PCDHGA7: variants seen among roughly 807,000 people sequenced by gnomAD.
The protein encoded by PCDHGA7 is protocadherin gamma subfamily A, 7, also known as protocadherin gamma-A7.
Under a neutral mutation model 58.3 loss-of-function variants are expected in PCDHGA7, and 44 were observed. That is an observed-to-expected ratio of 0.75 (90% confidence interval 0.59 to 0.97). The LOEUF (loss-of-function observed/expected upper bound fraction) is 0.97. Ranked by LOEUF, PCDHGA7 falls within the 50% of genes least tolerant of loss-of-function variation. The pLI is 0.00. For missense variants in PCDHGA7, 1,266 were observed against 1,188.7 expected (o/e 1.06, Z -0.96); for synonymous variants, 516 against 504.2 (o/e 1.02, Z -0.31).
chr5:141,404,363 A>G (rs1459982001), intron 1 of PCDHGA7: 15 of 1,613,846 alleles, frequency 9.3e-6, no homozygotes, highest in African/African-American at 1.3e-5. Flanking sequence ...AGGTACTTCC[A>G]TCTTCTCCGT....
In PCDHGA7 at chr5:141,408,560, A is replaced by G. The variant is rs368143982; in HGVS notation, c.2424+23237A>G. The G allele has an allele frequency of 6.3e-5, 102 of 1,613,910 alleles. No homozygotes were observed. Among genetic ancestry groups the G allele is most frequent in the Non-Finnish European group, 8.4e-5 (99 of 1,179,898 alleles). On this transcript the variant is annotated intron_variant, in intron 1 of 3. Coordinates refer to ENST00000518325, the MANE Select transcript of PCDHGA7 (RefSeq NM_018920.4). ...AAATCCTTTAAATATTTTTCATGTC[A>G]TTGTGGTGATTGAGGATGTTAATGA... is the stretch of plus-strand genomic sequence containing the variant.
intron 1 of PCDHGA7, chr5:141,420,146 C>G (rs372634787): frequency 1.9e-6 from 3 of 1,613,962 alleles, no homozygotes; most frequent in Non-Finnish European, 2.5e-6. Flanking sequence ...TCAAATGAAT[C>G]CAGAATTTAA....
At chr5:141,395,545 TGTGTGTGTGTGTG>T (rs1440813594) in intron 1 of PCDHGA7, 2 of 174,840 alleles carry the variant, frequency 1.1e-5, no homozygotes, top group Admixed American at 1.3e-4. Flanking sequence ...CTATTGTTTG[TGTGTGTGTGTGTG>T]TGTGTGTGTG....
At chr5:141,406,346 G>C (rs1296474677) in intron 1 of PCDHGA7, among the ~76,000 whole-genome samples, 1 of 152,092 alleles carries the variant, frequency 6.6e-6, no homozygotes, top group Non-Finnish European at 1.5e-5. Flanking sequence ...ATTTATTCAG[G>C]TCATACTATG....
intron 2 of PCDHGA7, among the ~76,000 whole-genome samples, chr5:141,503,614 A>G (rs1595875970): frequency 6.6e-6 from 1 of 151,640 alleles, no homozygotes; most frequent in South Asian, 2.1e-4. Flanking sequence ...AAAAAAAAAA[A>G]GAAAAAAGAA....
In PCDHGA7 at chr5:141,415,309, G is replaced by C. The variant is rs199689792; in HGVS notation, c.2424+29986G>C. 3.4e-5 allele frequency: 55 copies of C among 1,614,098 alleles called. No homozygotes were observed. Among genetic ancestry groups the C allele is most frequent in the Middle Eastern group, 1.6e-4 (1 of 6,084 alleles). On this transcript the variant is annotated intron_variant, in intron 1 of 3. Transcript: ENST00000518325. ...GGTCTCCTGCGTCTTCCTGGCCTTC[G>C]TCATCGTGCTGCTGGCGCACAGGCT...
chr5:141,437,306 C>T (rs1462689998), intron 1 of PCDHGA7, among the ~76,000 whole-genome samples: 1 of 152,104 alleles, frequency 6.6e-6, no homozygotes, highest in Non-Finnish European at 1.5e-5. Flanking sequence ...CAAGTTAAAG[C>T]GTTCAGCTAT....
At chr5:141,389,714 C>A in intron 1 of PCDHGA7, 1 of 1,612,536 alleles carries the variant, frequency 6.2e-7, no homozygotes, top group South Asian at 1.1e-5. Flanking sequence ...TGCAGGCTAG[C>A]GAGCCCGGGC....
intron 1 of PCDHGA7, chr5:141,421,118 T>A (rs572827470): frequency 1.3e-6 from 1 of 771,946 alleles, no homozygotes; most frequent in South Asian, 1.9e-5. Flanking sequence ...GTATTTTCCT[T>A]CGCTTTCTGA....
At chr5:141,398,942 G>A (rs748252181) in intron 1 of PCDHGA7, 2 of 1,613,884 alleles carry the variant, frequency 1.2e-6, no homozygotes, top group South Asian at 1.1e-5. Context: ...CAAGACGAGG[G>A]CATCAACTCA....
chr5:141,429,204 A>ACACACACG, intron 1 of PCDHGA7: 1 of 150,162 alleles, frequency 6.7e-6, no homozygotes, highest in Non-Finnish European at 1.5e-5. Context: ...ACACACACAC[A>ACACACACG]CGTGTGAAAA....
chr5:141,398,661 C>A, intron 1 of PCDHGA7: 1 of 1,614,018 alleles, frequency 6.2e-7, no homozygotes, highest in Non-Finnish European at 8.5e-7. Context: ...ACCCAAGTTT[C>A]TCATTAATAA....
At chr5:141,497,212 G>T (rs968445663) in intron 2 of PCDHGA7, among the ~76,000 whole-genome samples, 3 of 150,900 alleles carry the variant, frequency 2.0e-5, no homozygotes, top group Non-Finnish European at 3.0e-5. Context: ...AGTGTAATGG[G>T]GGGGGGAAGA....
intron 1 of PCDHGA7, chr5:141,388,880 G>T: frequency 1.2e-6 from 2 of 1,613,982 alleles, no homozygotes; most frequent in Non-Finnish European, 1.7e-6. Flanking sequence ...GCACAGTGGA[G>T]GTAGAAGTCA....
chr5:141,442,716 G>A (rs1367250926), intron 1 of PCDHGA7, among the ~76,000 whole-genome samples: 1 of 152,206 alleles, frequency 6.6e-6, no homozygotes, highest in East Asian at 1.9e-4. Context: ...ACATGCCAGA[G>A]CATTTGGGGC....
intron 1 of PCDHGA7, chr5:141,389,474 G>A (rs1476860129): frequency 1.2e-6 from 2 of 1,613,168 alleles, no homozygotes; most frequent in East Asian, 2.2e-5. Flanking sequence ...AACTCACACT[G>A]CAGGCCCGCG....
At chr5:141,421,999 T>C in intron 1 of PCDHGA7, 1 of 1,609,214 alleles carries the variant, frequency 6.2e-7, no homozygotes, top group Non-Finnish European at 8.5e-7. Context: ...AAACATCAGC[T>C]CCGGAACTCG....
intron 1 of PCDHGA7, among the ~76,000 whole-genome samples, chr5:141,387,387 G>C (rs2090926240): frequency 6.6e-6 from 1 of 152,214 alleles, no homozygotes; most frequent in Non-Finnish European, 1.5e-5. Context: ...TATATAGATA[G>C]TGCATGTTTG....
At position 141,490,169 on chromosome 5, in the gene PCDHGA7, T is replaced by C; in HGVS notation, c.2425-4638T>C. ...ATCCATGTGTTGGGTCCCATAGACT[T>C]TGAGGAGTCACGTTTCTATGAAATT... On this transcript the variant is annotated intron_variant, in intron 1 of 3. Transcript: ENST00000518325. This position sits in a 1 kb window ranked among gnomAD's most constrained non-coding sequence, Gnocchi z 5.4. 6.2e-7 allele frequency: 1 copy of C among 1,614,190 alleles called. No individual in the cohort carries two copies. The highest frequency in any genetic ancestry group is 8.5e-7 in the Non-Finnish European group (1 of 1,180,018).
Sources: gnomAD v4.1 joint callset for allele counts (sites outside exome capture counted in the v4.1 genomes callset) on GRCh38, gnomAD v4.1.1 for gene constraint, Gnocchi (gnomAD v3.1) non-coding constraint, MANE v1.5 for transcripts, NCBI Gene and HGNC (gene_info 2026-07-23, HGNC 2026-07-21) for gene names.